The following SCAMP1 variants were observed in gnomAD, a reference collection of about 807,000 sequenced individuals.
The protein encoded by SCAMP1 is secretory carrier-associated membrane protein 1.
In SCAMP1, 15 loss-of-function variants were observed where a neutral mutation model predicts 41.8. The ratio of observed to expected loss-of-function variants is 0.36; its 90% CI spans 0.24 to 0.55. The LOEUF is 0.55. SCAMP1 is among the 20% of genes least tolerant of loss of function. The pLI, the probability that SCAMP1 is intolerant of heterozygous loss-of-function variation, is 0.86. For missense variants in SCAMP1, 341 were observed against 412.6 expected, an observed-to-expected ratio of 0.83 and a Z score of 1.50; for synonymous variants, 135 against 136.8, an observed-to-expected ratio of 0.99 and a Z score of 0.09.
At chr5:78,431,656 C>T (rs2112168149) in intron 6 of SCAMP1, among the ~76,000 whole-genome samples, 1 of 148,170 alleles carries the variant, frequency 6.7e-6, no homozygotes, top group East Asian at 2.0e-4. Flanking sequence ...CAATATATGT[C>T]TCTAATCATA....
In SCAMP1 at chr5:78,464,812, A is replaced by G. The variant is rs535883735; in HGVS notation, c.852+5450A>G. Among the ~76,000 whole-genome samples, 9 of 152,298 alleles carry G rather than the reference A, an allele frequency of 5.9e-5. No individual in the cohort carries two copies. The East Asian group carries it at 1.5e-3, about 26-fold the overall frequency. On this transcript the variant is annotated intron_variant, in intron 8 of 8. Coordinates refer to ENST00000621999, the MANE Select transcript of SCAMP1 (RefSeq NM_004866.6). Reference sequence around the variant, plus strand: ...GCCCTATGCAGAACACTTCACCAGTATTATGCCATTTTGTCCTCTCGGAGA... The same window carrying G: ...GCCCTATGCAGAACACTTCACCAGTGTTATGCCATTTTGTCCTCTCGGAGA...
chr5:78,428,258 G>C (rs189131027), intron 6 of SCAMP1, among the ~76,000 whole-genome samples: 26 of 152,230 alleles, frequency 1.7e-4, no homozygotes, highest in Non-Finnish European at 1.0e-4. Flanking sequence ...GGGTCTAAAT[G>C]CATCTTTTTG....
intron 1 of SCAMP1, among the ~76,000 whole-genome samples, chr5:78,382,613 C>G (rs1377118558): frequency 6.6e-6 from 1 of 152,154 alleles, no homozygotes; most frequent in Non-Finnish European, 1.5e-5. Context: ...TTGTATCATT[C>G]TTATGCCTTT....
At chr5:78,426,764 C>T (rs182509451) in intron 6 of SCAMP1, among the ~76,000 whole-genome samples, 79 of 152,282 alleles carry the variant, frequency 5.2e-4, no homozygotes, top group Admixed American at 2.7e-3. Flanking sequence ...GATCTGTTGC[C>T]TGTGTCTAAA....
chr5:78,459,233 A>G lies in SCAMP1; in HGVS notation c.735-12A>G, dbSNP rs367866089. 3 of 1,261,914 alleles carry G rather than the reference A, an allele frequency of 2.4e-6. No individual in the cohort carries two copies. The highest frequency in any genetic ancestry group is 3.5e-6 in the Non-Finnish European group (3 of 865,410). The allele number at this position is 1,261,914 out of a possible 1,614,324, so 78.2% of individuals were successfully genotyped here. A position where few individuals can be genotyped will look rare whatever the true frequency, so the allele number is the denominator to read the frequency against. On this transcript the variant is annotated splice_polypyrimidine_tract_variant and intron_variant, in intron 7 of 8. Coordinates refer to ENST00000621999, the MANE Select transcript of SCAMP1 (RefSeq NM_004866.6). Reference sequence around the variant, plus strand: ...CAACTTTTGCCTAATTACACTTTTTATTACTTTTTAGTGGTTGGATTTCAT... The same window carrying G: ...CAACTTTTGCCTAATTACACTTTTTGTTACTTTTTAGTGGTTGGATTTCAT...
intron 7 of SCAMP1, among the ~76,000 whole-genome samples, chr5:78,452,961 T>C (rs950176007): frequency 1.1e-4 from 17 of 149,446 alleles, no homozygotes; most frequent in African/African-American, 3.5e-4. Context: ...TTTCATGTGT[T>C]TTTTGGCTGC....
intron 1 of SCAMP1, among the ~76,000 whole-genome samples, chr5:78,380,666 A>G (rs1433216643): frequency 2.0e-5 from 3 of 152,196 alleles, no homozygotes; most frequent in Admixed American, 6.5e-5. Context: ...GTATTTCCCC[A>G]CAGAGGTGGT....
At chr5:78,471,526 G>C (rs552674293) in intron 8 of SCAMP1, among the ~76,000 whole-genome samples, 1 of 152,166 alleles carries the variant, frequency 6.6e-6, no homozygotes, top group East Asian at 1.9e-4. Context: ...AAATAATTTT[G>C]GCATGACAGG....
chr5:78,365,431 A>ACG (rs1750769649), intron 1 of SCAMP1, among the ~76,000 whole-genome samples: 2 of 136,108 alleles, frequency 1.5e-5, no homozygotes, highest in Non-Finnish European at 3.1e-5. Flanking sequence ...CTGAGATGGC[A>ACG]CCACTGCACT....
chr5:78,473,931 G>GCTT (rs1051695860), intron 8 of SCAMP1, among the ~76,000 whole-genome samples: 3 of 152,066 alleles, frequency 2.0e-5, no homozygotes, highest in African/African-American at 7.2e-5. Context: ...AGTTCTAGAG[G>GCTT]CTGAGAAGTC....
intron 2 of SCAMP1, among the ~76,000 whole-genome samples, chr5:78,397,330 TAACTC>T (rs143796579): frequency 0.028 from 4,315 of 152,246 alleles, 215 homozygotes; most frequent in African/African-American, 0.097. Flanking sequence ...ACATAAAAAT[TAACTC>T]AATCATAGAC....
At chr5:78,457,687 C>T (rs955071997) in intron 7 of SCAMP1, 1 of 153,522 alleles carries the variant, frequency 6.5e-6, no homozygotes, top group East Asian at 1.9e-4. Context: ...GGCAGGCAGT[C>T]CTCCTTGAGC....
intron 1 of SCAMP1, among the ~76,000 whole-genome samples, chr5:78,387,909 T>C (rs996197313): frequency 8.5e-5 from 13 of 152,340 alleles, no homozygotes; most frequent in African/African-American, 2.9e-4. Flanking sequence ...TTGTGTTGGT[T>C]GGCCTCCAGC....
At chr5:78,386,273 C>T (rs1007249144) in intron 1 of SCAMP1, among the ~76,000 whole-genome samples, 6 of 152,128 alleles carry the variant, frequency 3.9e-5, no homozygotes, top group African/African-American at 1.4e-4. Flanking sequence ...AAAATAACTA[C>T]TCTTGCTTGC....
chr5:78,440,231 C>G (rs1752883973), intron 6 of SCAMP1, among the ~76,000 whole-genome samples: 1 of 152,196 alleles, frequency 6.6e-6, no homozygotes, highest in Non-Finnish European at 1.5e-5. Flanking sequence ...ATTCTCCGTT[C>G]AGCTTTGTTC....
chr5:78,396,727 GAAAAGAA>G (rs1751660456), intron 2 of SCAMP1, among the ~76,000 whole-genome samples: 1 of 152,158 alleles, frequency 6.6e-6, no homozygotes, highest in Non-Finnish European at 1.5e-5. Flanking sequence ...GGCAGGAGGA[GAAAAGAA>G]ATAAAGGAGA....
At chr5:78,390,663 T>C (rs183806771) in intron 2 of SCAMP1, among the ~76,000 whole-genome samples, 64 of 151,576 alleles carry the variant, frequency 4.2e-4, no homozygotes, top group Admixed American at 2.6e-3. Flanking sequence ...TTTTCTTTTT[T>C]TTTTTTTTAT....
At chr5:78,468,186 C>T (rs1753791792) in intron 8 of SCAMP1, among the ~76,000 whole-genome samples, 1 of 152,072 alleles carries the variant, frequency 6.6e-6, no homozygotes, top group African/African-American at 2.4e-5. Flanking sequence ...CTGTTTGTTT[C>T]CCCCACAGTG....
intron 2 of SCAMP1, among the ~76,000 whole-genome samples, chr5:78,392,335 TA>T (rs1751541081): frequency 6.6e-6 from 1 of 152,182 alleles, no homozygotes; most frequent in Admixed American, 6.5e-5. Context: ...AGCTAGCAAG[TA>T]AGTGGCAGAA....
Sources: gnomAD v4.1 joint callset for allele counts (sites outside exome capture counted in the v4.1 genomes callset) on GRCh38, gnomAD v4.1.1 for gene constraint, MANE v1.5 for transcripts, NCBI Gene and HGNC (gene_info 2026-07-23, HGNC 2026-07-21) for gene names.